IFT43: variants seen among roughly 807,000 people sequenced by gnomAD.
IFT43 encodes the protein intraflagellar transport protein 43 homolog.
In IFT43, 33 loss-of-function variants were observed where a neutral mutation model predicts 32.3. The ratio of observed to expected loss-of-function variants is 1.02; its 90% CI spans 0.77 to 1.37. The LOEUF (loss-of-function observed/expected upper bound fraction) is 1.37. Among genes scored for constraint, IFT43 ranks in the 40% most tolerant of loss-of-function variants. The pLI, the probability that IFT43 is intolerant of heterozygous loss-of-function variation, is 0.00. For missense variants in IFT43, 274 were observed against 265.9 expected (o/e 1.03, Z -0.21); for synonymous variants, 93 against 98.2 (o/e 0.95, Z 0.31).
intron 5 of IFT43, among the ~76,000 whole-genome samples, chr14:76,073,520 G>A (rs2037357951): frequency 1.3e-5 from 2 of 152,144 alleles, no homozygotes; most frequent in South Asian, 4.1e-4. Flanking sequence ...GCCAAGTGAC[G>A]CGTTTTCCTT....
Position 76,055,467 on chromosome 14 carries a change from G to T in IFT43, c.216-3175G>T, listed in dbSNP as rs140216602. ...CTATTCTTACTATTTTCAGCACATG[G>T]TGTTTTCTGTGCTATTAAAAAAGAA... On this transcript the variant is annotated intron_variant, in intron 3 of 8. Transcript: ENST00000314067. Among the ~76,000 whole-genome samples, 1,495 of 152,172 alleles carry T rather than the reference G, an allele frequency of 9.8e-3. 16 individuals are homozygous for T. Among genetic ancestry groups the T allele is most frequent in the Non-Finnish European group, 0.013 (903 of 68,010 alleles).
chr14:76,011,797 G>A (rs186470793), intron 2 of IFT43, among the ~76,000 whole-genome samples: 1 of 152,186 alleles, frequency 6.6e-6, no homozygotes, highest in Non-Finnish European at 1.5e-5. Context: ...TTCTCTGAGG[G>A]ATTAGTTGTC....
chr14:76,080,187 G>A (rs1015029714), intron 5 of IFT43, among the ~76,000 whole-genome samples: 5 of 152,118 alleles, frequency 3.3e-5, no homozygotes, highest in African/African-American at 1.2e-4. Flanking sequence ...GGCTGTCATC[G>A]CTGGCTCTGT....
chr14:75,999,271 ATGTATATATATTTTTTTTTT>A (rs1465383587), intron 2 of IFT43, among the ~76,000 whole-genome samples: 2 of 25,810 alleles, frequency 7.7e-5, no homozygotes, highest in African/African-American at 4.1e-4. Flanking sequence ...ATATATATAT[ATGTATATATATTTTTTTTTT>A]TTTTTTTTTA....
intron 3 of IFT43, among the ~76,000 whole-genome samples, chr14:76,044,001 T>C (rs2036756375): frequency 1.3e-5 from 2 of 152,166 alleles, no homozygotes; most frequent in South Asian, 4.1e-4. Flanking sequence ...ACAAACACTT[T>C]ACTTACTATC....
intron 3 of IFT43, among the ~76,000 whole-genome samples, chr14:76,037,007 T>C (rs779517993): frequency 4.6e-5 from 7 of 152,216 alleles, no homozygotes; most frequent in African/African-American, 9.6e-5. Flanking sequence ...TAAAAATTTT[T>C]TGGAGAGACA....
Position 76,059,234 on chromosome 14 carries a change from A to G in IFT43, c.249-93A>G, listed in dbSNP as rs2037084257. Reference sequence around the variant, plus strand: ...AACAGGTTCAGGGACATTTTCATCTAGGAGAAAGAATGGATACAATAAACA... The same window carrying G: ...AACAGGTTCAGGGACATTTTCATCTGGGAGAAAGAATGGATACAATAAACA... On this transcript the variant is annotated intron_variant, in intron 4 of 8. Transcript: ENST00000314067. 3.1e-6 allele frequency: 5 copies of G among 1,610,096 alleles called. No individual in the cohort carries two copies. The Admixed American group carries it at 5.0e-5, about 16-fold the overall frequency.
At chr14:76,000,495 A>G (rs1403798995) in intron 2 of IFT43, among the ~76,000 whole-genome samples, 1 of 151,050 alleles carries the variant, frequency 6.6e-6, no homozygotes, top group Non-Finnish European at 1.5e-5. Context: ...GATTGTCTCG[A>G]TCTCCTGACC....
At chr14:76,059,463 A>T (rs1249929088) in intron 5 of IFT43, 90 bp downstream of exon 5, 14 of 1,248,784 alleles carry the variant, frequency 1.1e-5, no homozygotes, top group Non-Finnish European at 1.6e-5. Context: ...TGGCTGCAGC[A>T]TCACTGAAGA....
chr14:76,041,847 A>G (rs1481672145), intron 3 of IFT43, among the ~76,000 whole-genome samples: 1 of 152,128 alleles, frequency 6.6e-6, no homozygotes, highest in Non-Finnish European at 1.5e-5. Flanking sequence ...GTTTTAGTAC[A>G]CGTAGATTTA....
At chr14:76,036,408 C>CTTTTTTTT (rs3086747) in intron 3 of IFT43, among the ~76,000 whole-genome samples, 3 of 119,744 alleles carry the variant, frequency 2.5e-5, no homozygotes, top group Non-Finnish European at 3.4e-5. Context: ...TTCTGTCTTT[C>CTTTTTTTT]TTTTTTTTTT....
At chr14:76,053,653 A>G (rs1479130666) in intron 3 of IFT43, among the ~76,000 whole-genome samples, 2 of 152,192 alleles carry the variant, frequency 1.3e-5, no homozygotes, top group African/African-American at 4.8e-5. Flanking sequence ...GTGAGAGAGA[A>G]CGTTTACTGT....
At chr14:76,028,748 T>C (rs529609710) in intron 3 of IFT43, among the ~76,000 whole-genome samples, 1 of 152,328 alleles carries the variant, frequency 6.6e-6, no homozygotes, top group East Asian at 1.9e-4. Flanking sequence ...CTTAGGATAA[T>C]GGCCTCCAGC....
At position 76,044,777 on chromosome 14, in the gene IFT43, G is replaced by A. The variant is rs368072725; in HGVS notation, c.216-13865G>A. Reference sequence around the variant, plus strand: ...ACCAAATATTTACAGTTGGCCTTTAGAACTGAGAAAGTCCACTTATAGGAG... The same window carrying A: ...ACCAAATATTTACAGTTGGCCTTTAAAACTGAGAAAGTCCACTTATAGGAG... On this transcript the variant is annotated intron_variant, in intron 3 of 8. Coordinates refer to ENST00000314067, the MANE Select transcript of IFT43 (RefSeq NM_001102564.3). Among the ~76,000 whole-genome samples the A allele has an allele frequency of 1.2e-3, 182 of 152,240 alleles. 5 individuals are homozygous for A. The South Asian group carries it at 0.036, about 30-fold the overall frequency.
At chr14:75,992,580 C>G (rs541947817) in intron 2 of IFT43, among the ~76,000 whole-genome samples, 5 of 152,088 alleles carry the variant, frequency 3.3e-5, no homozygotes, top group Non-Finnish European at 7.4e-5. Flanking sequence ...GGGTCTTGCT[C>G]TGTCTCCCAG....
At chr14:76,006,371 T>C (rs2035981426) in intron 2 of IFT43, among the ~76,000 whole-genome samples, 2 of 152,228 alleles carry the variant, frequency 1.3e-5, no homozygotes, top group Non-Finnish European at 2.9e-5. Context: ...CCTTTCATGT[T>C]AGGCCATTGT....
intron 2 of IFT43, among the ~76,000 whole-genome samples, chr14:76,019,313 G>T (rs750742520): frequency 2.0e-5 from 3 of 151,820 alleles, no homozygotes; most frequent in Non-Finnish European, 4.4e-5. Context: ...TGCTTATCTG[G>T]GAAGGACTTT....
intron 3 of IFT43, among the ~76,000 whole-genome samples, chr14:76,027,515 C>G (rs866286177): frequency 3.3e-5 from 5 of 152,104 alleles, no homozygotes; most frequent in African/African-American, 1.2e-4. Flanking sequence ...CGAGACCATC[C>G]TGGCTAACAC....
intron 5 of IFT43, among the ~76,000 whole-genome samples, chr14:76,064,796 A>T (rs2037200603): frequency 6.6e-6 from 1 of 152,224 alleles, no homozygotes. Context: ...AAATGGAAAC[A>T]CGAGAAAACA....
Sources: allele counts gnomAD v4.1 joint callset (sites outside exome capture counted in the v4.1 genomes callset), GRCh38; gene constraint gnomAD v4.1.1; transcripts MANE v1.5; gene names NCBI Gene and HGNC (gene_info 2026-07-23, HGNC 2026-07-21).